DOCK5: variants seen among roughly 807,000 people sequenced by gnomAD.
DOCK5 encodes the protein dedicator of cytokinesis protein 5.
A neutral mutation model predicts 251.8 loss-of-function variants in DOCK5; 142 were observed. The ratio of observed to expected loss-of-function variants is 0.56; its 90% confidence interval spans 0.49 to 0.65. DOCK5 has a LOEUF of 0.65. Among genes scored for constraint, DOCK5 ranks in the 30% least tolerant of loss-of-function variants. The probability of loss-of-function intolerance (pLI) is 0.00; values close to 1 mark genes in which losing one functional copy is unlikely to be tolerated. For missense variants in DOCK5, 2,111 were observed against 2,312.3 expected, an observed-to-expected ratio of 0.91 and a Z score of 1.79; for synonymous variants, 842 against 835.5, an observed-to-expected ratio of 1.01 and a Z score of -0.13.
intron 22 of DOCK5, 133 bp downstream of exon 22, chr8:25,336,506 G>T: frequency 8.3e-7 from 1 of 1,202,062 alleles, no homozygotes; most frequent in Non-Finnish European, 1.1e-6. Context: ...GAACTGCAGG[G>T]CTGAAGATGG....
chr8:25,283,398 T>C (rs1804251825), intron 5 of DOCK5, among the ~76,000 whole-genome samples: 1 of 152,138 alleles, frequency 6.6e-6, no homozygotes, highest in African/African-American at 2.4e-5. Context: ...GGCAAGTCAC[T>C]TGAACACTTC....
intron 32 of DOCK5, 145 bp from the exon 33 acceptor site, chr8:25,368,426 C>T (rs1800816478): frequency 9.1e-7 from 1 of 1,094,192 alleles, no homozygotes; most frequent in East Asian, 2.6e-5. Flanking sequence ...ACTCTGGCAT[C>T]CACATGCTAT....
intron 6 of DOCK5, among the ~76,000 whole-genome samples, chr8:25,295,393 T>G (rs2709633): frequency 6.7e-6 from 1 of 149,770 alleles, no homozygotes; most frequent in South Asian, 2.1e-4. Context: ...CTAAAAAAAA[T>G]AAAAATAAAT....
intron 40 of DOCK5, among the ~76,000 whole-genome samples, chr8:25,386,820 A>G (rs900842477): frequency 1.1e-4 from 16 of 152,148 alleles, no homozygotes; most frequent in Non-Finnish European, 1.9e-4. Flanking sequence ...CGTCTAAATC[A>G]CCTGCTGAGC....
rs1036397861 is a variant in DOCK5, at chr8:25,360,425, G to C, written c.2949+1364G>C. Reference sequence around the variant, plus strand: ...AGACCAGGCGCAAGAGGCCCAGTATGGGGGGTGGGGGGTGGAGGAGGAAGC... The same window carrying C: ...AGACCAGGCGCAAGAGGCCCAGTATCGGGGGTGGGGGGTGGAGGAGGAAGC... On this transcript the variant is annotated intron_variant, in intron 28 of 51. Transcript: ENST00000276440. 3.9e-4 allele frequency among the ~76,000 whole-genome samples: 59 copies of C among 152,132 alleles called. 1 individual carries two copies. The highest frequency in any genetic ancestry group is 3.1e-3 in the Admixed American group (48 of 15,266).
Position 25,184,968 on chromosome 8 carries a change from C to A in DOCK5, c.43+17C>A. On this transcript the variant is annotated intron_variant, in intron 1 of 51. Transcript: ENST00000276440. ...ACGGGGTTGGTGAGTGCGCGCCCCA[C>A]CTTGTCCCGGCCCGACCCACGCGGC... The A allele has an allele frequency of 7.2e-7, 1 of 1,387,198 alleles. No homozygotes were observed. 85.9% of individuals were successfully genotyped at this position (1,387,198 alleles called of 1,614,324 possible). A position where few individuals can be genotyped will look rare whatever the true frequency, so the allele number is the denominator to read the frequency against.
In DOCK5 at chr8:25,331,794, A is replaced by ATG. The variant is rs1157649007; in HGVS notation, c.1904-456_1904-455insGT. Among the ~76,000 whole-genome samples the ATG allele has an allele frequency of 5.7e-5, 2 of 35,144 alleles. 1 individual carries two copies. The highest frequency in any genetic ancestry group is 9.2e-4 in the Admixed American group (2 of 2,164). The allele number at this position is 35,144 out of a possible 152,430, so 23.1% of individuals were successfully genotyped here. Reference sequence around the variant, plus strand: ...AATAAATTAATGCATATATATATATATATATATAGAGAGAGAGAGAGAGAG... The same window carrying ATG: ...AATAAATTAATGCATATATATATATATGTATATATAGAGAGAGAGAGAGAGAG... On this transcript the variant is annotated intron_variant, in intron 18 of 51. Coordinates refer to ENST00000276440, the MANE Select transcript of DOCK5 (RefSeq NM_024940.8).
chr8:25,233,322 C>G (rs542855683), intron 1 of DOCK5, among the ~76,000 whole-genome samples: 12 of 152,292 alleles, frequency 7.9e-5, no homozygotes, highest in Non-Finnish European at 7.3e-5. Context: ...TTCATCTGGT[C>G]CCTGATGGGT....
At chr8:25,376,760 C>T (rs528576642) in intron 37 of DOCK5, 1 of 152,296 alleles carries the variant, frequency 6.6e-6, no homozygotes, top group South Asian at 2.1e-4. Context: ...TTGTAATGTT[C>T]ACTCTTAGAA....
chr8:25,351,382 C>T (rs1177351252), intron 26 of DOCK5: 1 of 233,156 alleles, frequency 4.3e-6, no homozygotes, highest in African/African-American at 2.3e-5. Flanking sequence ...CTAATCTGCT[C>T]AACCTCAGAA....
chr8:25,404,014 T>C (rs1454107082), intron 48 of DOCK5, among the ~76,000 whole-genome samples: 1 of 152,118 alleles, frequency 6.6e-6, no homozygotes, highest in Non-Finnish European at 1.5e-5. Context: ...TATGAATAGG[T>C]TTTATAATCA....
chr8:25,400,641 C>T (rs914268721), intron 46 of DOCK5, among the ~76,000 whole-genome samples: 1 of 152,016 alleles, frequency 6.6e-6, no homozygotes, highest in Non-Finnish European at 1.5e-5. Context: ...AGACTTAAAC[C>T]TATCAGTTGC....
intron 34 of DOCK5, among the ~76,000 whole-genome samples, chr8:25,370,653 G>A (rs1167206650): frequency 1.3e-5 from 2 of 152,068 alleles, no homozygotes; most frequent in Non-Finnish European, 2.9e-5. Context: ...ACAGGCATAT[G>A]TCGCCATTCC....
intron 1 of DOCK5, among the ~76,000 whole-genome samples, chr8:25,219,371 T>C (rs1306641618): frequency 6.6e-6 from 1 of 152,196 alleles, no homozygotes; most frequent in Non-Finnish European, 1.5e-5. Context: ...GGAGCACTTT[T>C]TCTGTTAATT....
In DOCK5 at chr8:25,210,416, G is replaced by C. The variant is rs537494665; in HGVS notation, c.43+25465G>C. ...GGGTGAGGTGCTGTTGTCGAGTTGGGATGGTCAGATAACGGCTCTGTGGAG... is the reference window on the plus strand; with the variant it reads ...GGGTGAGGTGCTGTTGTCGAGTTGGCATGGTCAGATAACGGCTCTGTGGAG... On this transcript the variant is annotated intron_variant, in intron 1 of 51. Coordinates refer to ENST00000276440, the MANE Select transcript of DOCK5 (RefSeq NM_024940.8). Among the ~76,000 whole-genome samples the C allele has an allele frequency of 2.7e-3, 185 of 68,484 alleles. 55 individuals are homozygous for C. The highest frequency in any genetic ancestry group is 6.0e-3 in the African/African-American group (181 of 30,090). The allele number at this position is 68,484 out of a possible 152,430, so 44.9% of individuals were successfully genotyped here.
At chr8:25,300,080 A>G (rs535310658) in intron 8 of DOCK5, among the ~76,000 whole-genome samples, 1 of 152,146 alleles carries the variant, frequency 6.6e-6, no homozygotes, top group Non-Finnish European at 1.5e-5. Context: ...CAATTTTTGT[A>G]TTTTTAGTAG....
At chr8:25,386,536 G>A (rs1003886197) in intron 40 of DOCK5, among the ~76,000 whole-genome samples, 1 of 152,158 alleles carries the variant, frequency 6.6e-6, no homozygotes, top group Admixed American at 6.5e-5. Flanking sequence ...AATTAGAAGT[G>A]ACAGTGAGCT....
intron 6 of DOCK5, among the ~76,000 whole-genome samples, chr8:25,294,614 A>G (rs777043482): frequency 7.2e-5 from 11 of 152,132 alleles, no homozygotes; most frequent in Non-Finnish European, 1.2e-4. Flanking sequence ...CAGAGCTACA[A>G]CTTCACACAC....
chr8:25,372,856 A>G lies in DOCK5; in HGVS notation c.3684+138A>G, dbSNP rs966402419. Reference sequence around the variant, plus strand: ...TGGAGCCGGTGTCTTCCTAAGTCTAATTGGAATGGCTGGCTCAGCTCACAG... The same window carrying G: ...TGGAGCCGGTGTCTTCCTAAGTCTAGTTGGAATGGCTGGCTCAGCTCACAG... On this transcript the variant is annotated intron_variant, in intron 35 of 51. Coordinates refer to ENST00000276440, the MANE Select transcript of DOCK5 (RefSeq NM_024940.8). 3 of 779,394 alleles carry G rather than the reference A, an allele frequency of 3.8e-6. No individual in the cohort carries two copies. The African/African-American group carries it at 5.5e-5, about 14-fold the overall frequency. The allele number at this position is 779,394 out of a possible 1,614,324, so 48.3% of individuals were successfully genotyped here. A position where few individuals can be genotyped will look rare whatever the true frequency, so the allele number is the denominator to read the frequency against.
Sources: allele counts gnomAD v4.1 joint callset (sites outside exome capture counted in the v4.1 genomes callset), GRCh38; gene constraint gnomAD v4.1.1; transcripts MANE v1.5; gene names NCBI Gene and HGNC (gene_info 2026-07-23, HGNC 2026-07-21).